The following DOCK3 variants were observed in gnomAD, a reference collection of about 807,000 sequenced individuals.
The protein encoded by DOCK3 is dedicator of cytokinesis protein 3.
In DOCK3, 60 loss-of-function variants were observed where a neutral mutation model predicts 265.6. That is an observed-to-expected ratio of 0.23 (90% confidence interval 0.18 to 0.28). The LOEUF is 0.28. Among genes scored for constraint, DOCK3 ranks in the 10% least tolerant of loss-of-function variants. DOCK3 has a pLI of 1.00. For missense variants in DOCK3, 1,981 were observed against 2,594.3 expected, an observed-to-expected ratio of 0.76 and a Z score of 5.14; for synonymous variants, 881 against 938.0, an observed-to-expected ratio of 0.94 and a Z score of 1.11.
At chr3:50,759,735 A>G (rs1475357952) in intron 1 of DOCK3, among the ~76,000 whole-genome samples, 1 of 151,508 alleles carries the variant, frequency 6.6e-6, no homozygotes, top group Non-Finnish European at 1.5e-5. Context: ...CTGTAGTTCC[A>G]ACTACAGGAA....
At chr3:50,753,973 T>C (rs1043927955) in intron 1 of DOCK3, among the ~76,000 whole-genome samples, 6 of 151,910 alleles carry the variant, frequency 3.9e-5, no homozygotes, top group African/African-American at 1.5e-4. Flanking sequence ...CTGGCCAACA[T>C]AGTGAAACCC....
chr3:51,265,140 A>G (rs879453177), intron 23 of DOCK3, among the ~76,000 whole-genome samples: 4 of 152,218 alleles, frequency 2.6e-5, no homozygotes, highest in Non-Finnish European at 5.9e-5. Context: ...CGCCATCCCA[A>G]GACTAAACCA....
chr3:51,176,451 A>G (rs1282531001), intron 12 of DOCK3, among the ~76,000 whole-genome samples: 1 of 81,764 alleles, frequency 1.2e-5, no homozygotes, highest in African/African-American at 5.0e-5. Context: ...CCCCGTCTCT[A>G]CTAAAAAATA....
intron 10 of DOCK3, among the ~76,000 whole-genome samples, 163 bp downstream of exon 10, chr3:51,146,793 A>G (rs1393349196): frequency 6.6e-6 from 1 of 152,232 alleles, no homozygotes; most frequent in Non-Finnish European, 1.5e-5. Flanking sequence ...AAATATTTAT[A>G]GAAAACTGAA....
At chr3:50,885,034 C>T (rs769312954) in intron 3 of DOCK3, among the ~76,000 whole-genome samples, 8 of 152,156 alleles carry the variant, frequency 5.3e-5, no homozygotes, top group African/African-American at 9.7e-5. Context: ...TCCTTGTGTG[C>T]CACCTGTTCA....
At chr3:51,080,788 T>A (rs1269877874) in intron 7 of DOCK3, among the ~76,000 whole-genome samples, 3 of 152,202 alleles carry the variant, frequency 2.0e-5, no homozygotes, top group Admixed American at 6.5e-5. Context: ...AAAAATGGCT[T>A]AGTGTAGCTC....
chr3:50,879,922 A>G (rs1422713128), intron 3 of DOCK3, among the ~76,000 whole-genome samples: 1 of 152,220 alleles, frequency 6.6e-6, no homozygotes, highest in African/African-American at 2.4e-5. Context: ...AGAAATTATA[A>G]CAAACTGTCT....
At chr3:51,207,340 T>C (rs563354180) in intron 12 of DOCK3, among the ~76,000 whole-genome samples, 3 of 152,188 alleles carry the variant, frequency 2.0e-5, no homozygotes, top group Non-Finnish European at 4.4e-5. Context: ...GTGAGTATTT[T>C]ATGGGAGAAA....
intron 2 of DOCK3, among the ~76,000 whole-genome samples, chr3:50,831,696 G>C (rs1394955375): frequency 1.3e-5 from 2 of 152,156 alleles, no homozygotes; most frequent in Non-Finnish European, 2.9e-5. Context: ...ACATATGTGT[G>C]CATGCATCTT....
At chr3:50,703,020 A>G (rs963030536) in intron 1 of DOCK3, among the ~76,000 whole-genome samples, 3 of 151,958 alleles carry the variant, frequency 2.0e-5, no homozygotes, top group Non-Finnish European at 4.4e-5. Context: ...TATTCCTTCT[A>G]TGCCTGATTT....
chr3:51,353,626 A>T (rs2086155598), intron 40 of DOCK3, among the ~76,000 whole-genome samples: 1 of 152,152 alleles, frequency 6.6e-6, no homozygotes, highest in Non-Finnish European at 1.5e-5. Flanking sequence ...AAAACAAAAA[A>T]ACAATACAGA....
At chr3:50,960,213 T>C (rs1340690172) in intron 5 of DOCK3, among the ~76,000 whole-genome samples, 1 of 152,202 alleles carries the variant, frequency 6.6e-6, no homozygotes, top group Non-Finnish European at 1.5e-5. Context: ...GGGGTAGATA[T>C]CTAGGAGTAG....
chr3:50,681,244 T>C, intron 1 of DOCK3, among the ~76,000 whole-genome samples: 1 of 152,218 alleles, frequency 6.6e-6, no homozygotes, highest in Non-Finnish European at 1.5e-5. Flanking sequence ...ATTAGATGCA[T>C]TCTGAAGCAG....
At chr3:50,850,173 G>C (rs878887893) in intron 3 of DOCK3, among the ~76,000 whole-genome samples, 5 of 151,818 alleles carry the variant, frequency 3.3e-5, no homozygotes, top group Admixed American at 1.3e-4. Flanking sequence ...CTGAGCTCAG[G>C]AGTTTGAGAC....
intron 30 of DOCK3, 85 bp from the exon 31 acceptor site, chr3:51,312,759 C>G: frequency 4.9e-6 from 7 of 1,416,476 alleles, no homozygotes; most frequent in Non-Finnish European, 6.8e-6. Flanking sequence ...ACAAACAGTG[C>G]TGAAGTCCTG....
intron 14 of DOCK3, among the ~76,000 whole-genome samples, chr3:51,222,038 C>T (rs2090122538): frequency 6.6e-6 from 1 of 152,114 alleles, no homozygotes; most frequent in South Asian, 2.1e-4. Context: ...AATATATGTA[C>T]ACAAGACCCA....
At chr3:50,862,361 CAT>C (rs1491305636) in intron 3 of DOCK3, among the ~76,000 whole-genome samples, 1 of 152,212 alleles carries the variant, frequency 6.6e-6, no homozygotes, top group Non-Finnish European at 1.5e-5. Context: ...CTTCGGGCAG[CAT>C]ATCTTTTATT....
intron 12 of DOCK3, among the ~76,000 whole-genome samples, chr3:51,167,464 C>G (rs531012502): frequency 6.6e-6 from 1 of 152,188 alleles, no homozygotes; most frequent in East Asian, 1.9e-4. Flanking sequence ...CAGGATTGTT[C>G]CTTTCTATTC....
At chr3:50,679,030 G>C (rs1236963218) in intron 1 of DOCK3, among the ~76,000 whole-genome samples, 1 of 152,196 alleles carries the variant, frequency 6.6e-6, no homozygotes, top group Non-Finnish European at 1.5e-5. Context: ...AGCCAGGAGG[G>C]CCTCAATCTC....
Sources: allele counts gnomAD v4.1 joint callset (sites outside exome capture counted in the v4.1 genomes callset), GRCh38; gene constraint gnomAD v4.1.1; transcripts MANE v1.5; gene names NCBI Gene and HGNC (gene_info 2026-07-23, HGNC 2026-07-21).